The following TANK variants were observed in gnomAD, a reference collection of about 807,000 sequenced individuals.
TANK encodes TRAF family member-associated NF-kappa-B activator.
In TANK, 15 loss-of-function variants were observed where a neutral mutation model predicts 43.6. That is an observed-to-expected ratio of 0.34 (90% CI 0.23 to 0.53). TANK has a LOEUF of 0.53. Among genes scored for constraint, TANK ranks in the 20% least tolerant of loss-of-function variants. The probability of loss-of-function intolerance (pLI) is 0.94; values close to 1 mark genes in which losing one functional copy is unlikely to be tolerated. For missense variants in TANK, 417 were observed against 498.6 expected (o/e 0.84, Z 1.56); for synonymous variants, 162 against 178.2 (o/e 0.91, Z 0.73).
chr2:161,201,212 A>G (rs1297614194), intron 2 of TANK: 13 of 982,446 alleles, frequency 1.3e-5, no homozygotes, highest in Non-Finnish European at 1.6e-5. Flanking sequence ...TAAGTAGCTT[A>G]AGAAGTAGTT....
At chr2:161,145,277 C>A (rs1683877895) in intron 1 of TANK, among the ~76,000 whole-genome samples, 1 of 150,550 alleles carries the variant, frequency 6.6e-6, no homozygotes, top group Non-Finnish European at 1.5e-5. Context: ...ACTCTTTATC[C>A]AATTTGCCAG....
chr2:161,176,598 CCTT>C (rs1051006203), intron 1 of TANK, among the ~76,000 whole-genome samples: 21 of 152,120 alleles, frequency 1.4e-4, no homozygotes, highest in African/African-American at 5.1e-4. Context: ...CAAGAATGCA[CCTT>C]CTCGATAGAA....
chr2:161,208,989 A>T (rs890181719), intron 4 of TANK, among the ~76,000 whole-genome samples: 1 of 152,224 alleles, frequency 6.6e-6, no homozygotes, highest in Non-Finnish European at 1.5e-5. Flanking sequence ...ACAGAAGAGG[A>T]TGTGAAAGAT....
At chr2:161,150,225 T>G (rs978354010) in intron 1 of TANK, among the ~76,000 whole-genome samples, 1 of 152,230 alleles carries the variant, frequency 6.6e-6, no homozygotes, top group African/African-American at 2.4e-5. Context: ...TTTTAGGAAT[T>G]TGTACAGTTC....
chr2:161,169,700 T>C (rs544476481), intron 1 of TANK, among the ~76,000 whole-genome samples: 7 of 152,296 alleles, frequency 4.6e-5, no homozygotes, highest in Middle Eastern at 3.4e-3. Context: ...CATTAAGATA[T>C]AGGTACGTAT....
upstream of TANK, among the ~76,000 whole-genome samples, chr2:161,158,527 G>A (rs1467018740): frequency 1.3e-5 from 2 of 152,154 alleles, no homozygotes; most frequent in Non-Finnish European, 2.9e-5. Flanking sequence ...AGAAAAATAC[G>A]CATTTAAGAA....
At chr2:161,198,427 T>A (rs1686253496) in intron 2 of TANK, among the ~76,000 whole-genome samples, 1 of 152,198 alleles carries the variant, frequency 6.6e-6, no homozygotes. Context: ...TGCCTTTGGG[T>A]CTCCCAGCCT....
At chr2:161,173,983 A>G (rs907322828) in intron 1 of TANK, among the ~76,000 whole-genome samples, 1 of 152,216 alleles carries the variant, frequency 6.6e-6, no homozygotes. Context: ...CCATTTGCCA[A>G]TGACTAGCAC....
At chr2:161,230,900 A>G in intron 6 of TANK, 71 bp from the exon 7 acceptor site, 2 of 1,201,880 alleles carry the variant, frequency 1.7e-6, no homozygotes, top group Non-Finnish European at 2.4e-6. Context: ...TAATCTCTCC[A>G]AAGCTGATTG....
chr2:161,222,577 A>G (rs924506117), intron 4 of TANK, among the ~76,000 whole-genome samples: 2 of 152,134 alleles, frequency 1.3e-5, no homozygotes, highest in Non-Finnish European at 2.9e-5. Context: ...TGTACAAAAC[A>G]CCATAGAAAA....
At chr2:161,160,860 CT>C in intron 1 of TANK, 1 of 508,120 alleles carries the variant, frequency 2.0e-6, no homozygotes, top group Non-Finnish European at 3.9e-6. Flanking sequence ...CCCGACTTCC[CT>C]TCGGGAGAGA....
intron 1 of TANK, chr2:161,162,696 T>C (rs1049237899): frequency 6.6e-6 from 1 of 152,160 alleles, no homozygotes; most frequent in Non-Finnish European, 1.5e-5. Flanking sequence ...CCTTTAATAT[T>C]TCTAGCTCAT....
intron 6 of TANK, among the ~76,000 whole-genome samples, 185 bp downstream of exon 6, chr2:161,224,931 GT>G (rs1178301933): frequency 6.6e-6 from 1 of 151,774 alleles, no homozygotes; most frequent in African/African-American, 2.4e-5. Flanking sequence ...GTAATTGTTG[GT>G]TTTTTTCTCT....
intron 2 of TANK, among the ~76,000 whole-genome samples, chr2:161,182,880 A>G (rs1384102634): frequency 4.6e-5 from 7 of 152,268 alleles, no homozygotes; most frequent in Admixed American, 2.6e-4. Flanking sequence ...CTGATAACCC[A>G]TAGTCATATT....
rs149820752 is a variant in TANK at position 161,232,464 on chromosome 2, G to A, written c.1101+913G>A. Among the ~76,000 whole-genome samples the A allele has an allele frequency of 8.0e-3, 1,219 of 152,204 alleles. 16 individuals carry two copies. Among genetic ancestry groups the A allele is most frequent in the Middle Eastern group, 0.044 (13 of 294 alleles). On this transcript the variant is annotated intron_variant, in intron 7 of 7. Transcript: ENST00000392749. ...ATAGGTTATAGACTTAAATCAGCAC[G>A]CAAAGAAGGCAGTTGTCAAGCTGTG...
intron 2 of TANK, among the ~76,000 whole-genome samples, chr2:161,190,316 A>T (rs1341700692): frequency 1.3e-5 from 2 of 152,170 alleles, no homozygotes; most frequent in Non-Finnish European, 2.9e-5. Context: ...GTTGGCAAGG[A>T]TGTGTAGAAA....
intron 7 of TANK, among the ~76,000 whole-genome samples, chr2:161,233,244 T>C (rs944468725): frequency 3.9e-5 from 6 of 151,934 alleles, no homozygotes; most frequent in African/African-American, 7.3e-5. Context: ...TATATAGATA[T>C]ATGTAGCTGG....
intron 6 of TANK, 97 bp downstream of exon 6, chr2:161,224,843 T>A: frequency 1.4e-6 from 1 of 695,868 alleles, no homozygotes; most frequent in Non-Finnish European, 2.3e-6. Context: ...ATTAAGTGTG[T>A]AGCATCTGTA....
intron 6 of TANK, among the ~76,000 whole-genome samples, chr2:161,230,265 GA>G (rs1687843186): frequency 6.6e-6 from 1 of 152,136 alleles, no homozygotes; most frequent in African/African-American, 2.4e-5. Context: ...CTACAAAGCT[GA>G]ATTTGTTGGA....
Sources: gnomAD v4.1 joint callset for allele counts (sites outside exome capture counted in the v4.1 genomes callset) on GRCh38, gnomAD v4.1.1 for gene constraint, MANE v1.5 for transcripts, NCBI Gene and HGNC (gene_info 2026-07-23, HGNC 2026-07-21) for gene names.